The following FRMD4B variants were observed in gnomAD, a reference collection of about 807,000 sequenced individuals.
The protein encoded by FRMD4B is FERM domain containing 4B, also known as FERM domain-containing protein 4B.
FRMD4B carries 74 observed loss-of-function variants against 141.5 expected under a neutral mutation model. That is an observed-to-expected ratio of 0.52 (90% CI 0.43 to 0.63). The LOEUF is 0.63. Ranked by LOEUF, FRMD4B falls within the 30% of genes least tolerant of loss-of-function variation. The pLI is 0.00. For synonymous variants in FRMD4B, 506 were observed against 467.9 expected (o/e 1.08, Z -1.05); for missense variants, 1,366 against 1,253.4 (o/e 1.09, Z -1.36).
At chr3:69,481,146 T>C (rs1409018655) in intron 1 of FRMD4B, among the ~76,000 whole-genome samples, 2 of 152,226 alleles carry the variant, frequency 1.3e-5, no homozygotes, top group African/African-American at 4.8e-5. Context: ...GGGAACTCCC[T>C]GATCCCTTGC....
chr3:69,485,139 G>A (rs776432795), intron 1 of FRMD4B, among the ~76,000 whole-genome samples: 1 of 152,146 alleles, frequency 6.6e-6, no homozygotes, highest in Admixed American at 6.5e-5. Flanking sequence ...GTCCTGAGGG[G>A]CCAGAGCAGC....
At chr3:69,356,309 C>T (rs879341011) in intron 1 of FRMD4B, among the ~76,000 whole-genome samples, 4 of 152,070 alleles carry the variant, frequency 2.6e-5, no homozygotes, top group South Asian at 2.1e-4. Flanking sequence ...CAGACCCACC[C>T]GTGATGTGGG....
Position 69,474,884 on chromosome 3 carries a change from A to G in FRMD4B, c.-128-42123T>C, listed in dbSNP as rs1008237961. Among the ~76,000 whole-genome samples the G allele has an allele frequency of 4.6e-5, 7 of 152,142 alleles. No individual in the cohort carries two copies. The East Asian group carries it at 7.7e-4, about 17-fold the overall frequency. Reference sequence around the variant, plus strand: ...TAAAATGCTATCAAAGGGGAAAGAGAGGATGCTAGGAAAGCCTATAGACAG... The same window carrying G: ...TAAAATGCTATCAAAGGGGAAAGAGGGGATGCTAGGAAAGCCTATAGACAG... On this transcript the variant is annotated intron_variant, in intron 1 of 5. Coordinates refer to the FRMD4B transcript ENST00000459638.
At chr3:69,268,151 G>C (rs2093576704) in intron 5 of FRMD4B, among the ~76,000 whole-genome samples, 1 of 151,884 alleles carries the variant, frequency 6.6e-6, no homozygotes, top group Admixed American at 6.6e-5. Flanking sequence ...AAATATCAGA[G>C]ACTGGCTCCA....
At chr3:69,272,422 A>G (rs1469803305) in intron 5 of FRMD4B, among the ~76,000 whole-genome samples, 1 of 152,242 alleles carries the variant, frequency 6.6e-6, no homozygotes, top group Non-Finnish European at 1.5e-5. Context: ...GGCCTCCCAA[A>G]GTGCTGGGAT....
At chr3:69,513,258 G>T (rs1163400893) in intron 1 of FRMD4B, among the ~76,000 whole-genome samples, 1 of 145,554 alleles carries the variant, frequency 6.9e-6, no homozygotes. Context: ...GGGATTATAA[G>T]AGAATACAAT....
intron 21 of FRMD4B, among the ~76,000 whole-genome samples, chr3:69,178,847 C>G (rs1330027749): frequency 6.6e-6 from 1 of 151,132 alleles, no homozygotes; most frequent in Admixed American, 6.6e-5. Flanking sequence ...CTATATAGAA[C>G]TGTTGCATAC....
intron 5 of FRMD4B, among the ~76,000 whole-genome samples, chr3:69,267,634 TATAGAGAGAGAGAGAGAGAGAGAG>T (rs2093573048): frequency 2.9e-4 from 3 of 10,266 alleles, no homozygotes; most frequent in East Asian, 4.0e-3. Flanking sequence ...TATATATATA[TATAGAGAGAGAGAGAGAGAGAGAG>T]AGAGAGAGAG....
rs774787782 is a variant in FRMD4B at position 69,187,874 on chromosome 3, T to C, written c.1815A>G (p.Val605=). 3 of 1,607,808 alleles carry C rather than the reference T, an allele frequency of 1.9e-6. No individual in the cohort carries two copies. In the Admixed American group the frequency reaches 5.1e-5, roughly 27 times the overall value. ...FTFPGQRSSS[V]PHSPRILPPK... is the part of the protein sequence containing the mutation. ...GGGGAAGAATTCTTGGAGAATGAGG[T>C]ACTGAACTTGATCGCTGCCCAGGAA... Residue 605 remains valine, a synonymous_variant, in exon 19 of 23, where the codon GTA becomes GTG. Transcript: ENST00000398540.
chr3:69,227,194 A>C (rs940113704), intron 7 of FRMD4B, among the ~76,000 whole-genome samples: 1 of 152,226 alleles, frequency 6.6e-6, no homozygotes, highest in Non-Finnish European at 1.5e-5. Context: ...ATTCTGGCTG[A>C]ATAAATCAAT....
chr3:69,265,718 A>G lies in FRMD4B; in HGVS notation c.502-15619T>C, dbSNP rs574292792. Among the ~76,000 whole-genome samples, 30 of 152,026 alleles carry G rather than the reference A, an allele frequency of 2.0e-4. 1 individual carries two copies. The South Asian group carries it at 6.0e-3, about 31-fold the overall frequency. ...CACCTTGGCCTCCTAGAGTGCTGTG[A>G]TTACAGGCGTGAGCCACAGCGCCTG... On this transcript the variant is annotated intron_variant, in intron 5 of 22. Coordinates refer to ENST00000398540, the MANE Select transcript of FRMD4B (RefSeq NM_015123.3).
At chr3:69,395,587 A>G (rs1032529230) in intron 2 of FRMD4B, among the ~76,000 whole-genome samples, 1 of 152,222 alleles carries the variant, frequency 6.6e-6, no homozygotes, top group African/African-American at 2.4e-5. Context: ...TTTGGCCCTT[A>G]GCAGTAAGAG....
intron 2 of FRMD4B, among the ~76,000 whole-genome samples, chr3:69,402,532 T>C (rs1276074356): frequency 6.6e-6 from 1 of 152,218 alleles, no homozygotes; most frequent in Non-Finnish European, 1.5e-5. Context: ...TACACTGGAC[T>C]GAAAGCTTTG....
At chr3:69,445,959 G>A (rs1705404639) in intron 1 of FRMD4B, among the ~76,000 whole-genome samples, 1 of 152,084 alleles carries the variant, frequency 6.6e-6, no homozygotes, top group East Asian at 1.9e-4. Context: ...CTACATCCTC[G>A]TAGCCTGGGA....
chr3:69,484,982 C>T (rs1181956756), intron 1 of FRMD4B, among the ~76,000 whole-genome samples: 4 of 151,898 alleles, frequency 2.6e-5, no homozygotes, highest in Admixed American at 6.6e-5. Flanking sequence ...CTTCTCTGGG[C>T]CCCCCCACCT....
At position 69,465,284 on chromosome 3, in the gene FRMD4B, C is replaced by T. The variant is rs6549220; in HGVS notation, c.-128-32523G>A. Among the ~76,000 whole-genome samples, 725 of 149,292 alleles carry T rather than the reference C, an allele frequency of 4.9e-3. 15 individuals are homozygous for T. In the East Asian group the frequency reaches 0.068, roughly 14 times the overall value. ...GCAGTGAGCCGAGATTGCACCACTGCGCTCCAGCCTGGGTAACAGAGCGAG... is the reference window on the plus strand; with the variant it reads ...GCAGTGAGCCGAGATTGCACCACTGTGCTCCAGCCTGGGTAACAGAGCGAG... On this transcript the variant is annotated intron_variant, in intron 1 of 5. Coordinates refer to the FRMD4B transcript ENST00000459638.
rs1338551343 is a variant in FRMD4B, at chr3:69,170,611, C to A, written c.*1250G>T. ...TTGTATAAAAGAAGGGGGAAAGGAGCACCTTTTATGTAATTTTGAAGCAAA... is the reference window on the plus strand; with the variant it reads ...TTGTATAAAAGAAGGGGGAAAGGAGAACCTTTTATGTAATTTTGAAGCAAA... On this transcript the variant is annotated 3_prime_UTR_variant, in exon 23 of 23. Transcript: ENST00000398540. 1 of 152,066 alleles carries A rather than the reference C, an allele frequency of 6.6e-6. No homozygotes were observed. The allele number at this position is 152,066 out of a possible 1,614,324, so 9.4% of individuals were successfully genotyped here. A position where few individuals can be genotyped will look rare whatever the true frequency, so the allele number is the denominator to read the frequency against.
At chr3:69,217,346 C>A (rs550530920) in intron 10 of FRMD4B, among the ~76,000 whole-genome samples, 1 of 152,060 alleles carries the variant, frequency 6.6e-6, no homozygotes, top group Non-Finnish European at 1.5e-5. Flanking sequence ...GGAGGCCAGG[C>A]GTGGTGGTTC....
At position 69,285,753 on chromosome 3, in the gene FRMD4B, C is replaced by T. The variant is rs928585320; in HGVS notation, c.501+1999G>A. On this transcript the variant is annotated intron_variant, in intron 5 of 22. Coordinates refer to ENST00000398540, the MANE Select transcript of FRMD4B (RefSeq NM_015123.3). Reference sequence around the variant, plus strand: ...CAGCTACTCGGGAGGCTGAGGCAGGCGAATTGCTTGAACCTGGCAGGCAGA... The same window carrying T: ...CAGCTACTCGGGAGGCTGAGGCAGGTGAATTGCTTGAACCTGGCAGGCAGA... Among the ~76,000 whole-genome samples the T allele has an allele frequency of 7.9e-5, 12 of 151,636 alleles. 1 individual carries two copies. Among genetic ancestry groups the T allele is most frequent in the East Asian group, 1.9e-4 (1 of 5,150 alleles).
Sources: allele counts gnomAD v4.1 joint callset (sites outside exome capture counted in the v4.1 genomes callset), GRCh38; gene constraint gnomAD v4.1.1; transcripts MANE v1.5; gene names NCBI Gene and HGNC (gene_info 2026-07-23, HGNC 2026-07-21).